MTM1: variants seen among roughly 807,000 people sequenced by gnomAD.
MTM1 encodes the protein myotubularin.
MTM1 carries 9 observed loss-of-function variants against 52.1 expected under a neutral mutation model. The ratio of observed to expected loss-of-function variants is 0.17; its 90% CI spans 0.10 to 0.30. MTM1 has a LOEUF of 0.30. Among genes scored for constraint, MTM1 ranks in the 10% least tolerant of loss-of-function variants. MTM1 has a pLI of 1.00. For missense variants in MTM1, 277 were observed against 470.7 expected, an observed-to-expected ratio of 0.59 and a Z score of 3.81; for synonymous variants, 136 against 163.8, an observed-to-expected ratio of 0.83 and a Z score of 1.29.
chrX:150,624,888 C>T (rs187082574), intron 6 of MTM1, among the ~76,000 whole-genome samples: 2 of 112,199 alleles, frequency 1.8e-5, no homozygotes, highest in East Asian at 5.6e-4. Flanking sequence ...TTAAATCTGC[C>T]TTTATAGCAG....
intron 10 of MTM1, among the ~76,000 whole-genome samples, chrX:150,652,071 G>C (rs1275465327): frequency 9.0e-6 from 1 of 111,190 alleles, no homozygotes; most frequent in Non-Finnish European, 1.9e-5. Flanking sequence ...GGGAAGTGTT[G>C]AGGATCATAT....
chrX:150,564,486 G>A (rs782802331), upstream of MTM1, among the ~76,000 whole-genome samples: 2 of 111,366 alleles, frequency 1.8e-5, no homozygotes, highest in East Asian at 5.6e-4. Context: ...GGGTTCAAGC[G>A]ATTCTCCTGC....
intron 1 of MTM1, among the ~76,000 whole-genome samples, chrX:150,589,078 G>A (rs184518793): frequency 8.9e-6 from 1 of 111,941 alleles, no homozygotes; most frequent in African/African-American, 3.2e-5. Flanking sequence ...AAGGTTGGTT[G>A]GCTAGGTGAG....
At chrX:150,651,636 G>A (rs966298147) in intron 10 of MTM1, among the ~76,000 whole-genome samples, 4 of 111,458 alleles carry the variant, frequency 3.6e-5, no homozygotes, top group Non-Finnish European at 5.6e-5. Context: ...ACCTGGTGGT[G>A]TCTAGCAGGC....
chrX:150,659,661 C>T lies in MTM1; in HGVS notation c.1261-3C>T, dbSNP rs1310632958. On this transcript the variant is annotated splice_region_variant and splice_polypyrimidine_tract_variant and intron_variant, in intron 11 of 14. Transcript: ENST00000370396. Reference sequence around the variant, plus strand: ...AACAAATTATCTTCATCAATTTATTCAGCGAATAGGTCATGGTGATAAAAA... The same window carrying T: ...AACAAATTATCTTCATCAATTTATTTAGCGAATAGGTCATGGTGATAAAAA... The T allele has an allele frequency of 2.5e-6, 3 of 1,200,460 alleles. No individual in the cohort carries two copies. The Admixed American group carries it at 6.6e-5, about 26-fold the overall frequency.
At chrX:150,596,638 T>A in intron 3 of MTM1, 68 bp downstream of exon 3, 1 of 880,408 alleles carries the variant, frequency 1.1e-6, no homozygotes, top group Non-Finnish European at 1.7e-6. Context: ...GTGGCTTCAG[T>A]CCCGCTTACT....
At chrX:150,647,650 T>G (rs782418128) in intron 9 of MTM1, among the ~76,000 whole-genome samples, 9 of 112,506 alleles carry the variant, frequency 8.0e-5, no homozygotes, top group African/African-American at 2.6e-4. Flanking sequence ...AGATGTAGAA[T>G]TTGAACTTTC....
intron 2 of MTM1, among the ~76,000 whole-genome samples, chrX:150,593,483 A>G (rs782669599): frequency 1.8e-4 from 20 of 112,081 alleles, no homozygotes; most frequent in Non-Finnish European, 3.2e-4. Flanking sequence ...TGGAATGTGC[A>G]TTCAAAGGAA....
chrX:150,641,221 G>A, intron 7 of MTM1, 48 bp from the exon 8 acceptor site: 1 of 1,205,664 alleles, frequency 8.3e-7, no homozygotes, highest in East Asian at 3.0e-5. Context: ...GCCAAATCCA[G>A]AGATGAGGTC....
chrX:150,573,850 C>T (rs782101986), intron 1 of MTM1, among the ~76,000 whole-genome samples: 46 of 112,296 alleles, frequency 4.1e-4, no homozygotes, highest in African/African-American at 1.4e-3. Context: ...ACAGCAGTGA[C>T]CCTTGGCCAT....
At chrX:150,610,503 G>A (rs1419648566) in intron 4 of MTM1, among the ~76,000 whole-genome samples, 1 of 112,205 alleles carries the variant, frequency 8.9e-6, no homozygotes, top group Non-Finnish European at 1.9e-5. Context: ...AGAAGTACAA[G>A]GCATAGACTT....
chrX:150,604,179 G>T (rs2039114297), intron 4 of MTM1, among the ~76,000 whole-genome samples: 1 of 111,736 alleles, frequency 8.9e-6, no homozygotes, highest in African/African-American at 3.3e-5. Flanking sequence ...TAAAGATTCT[G>T]CAGCTTCCAG....
Position 150,645,839 on chromosome X carries a change from G to A in MTM1, c.835G>A (p.Ala279Thr). The A allele has an allele frequency of 8.3e-7, 1 of 1,211,187 alleles. No individual in the cohort carries two copies. The highest frequency in any genetic ancestry group is 1.1e-6 in the Non-Finnish European group (1 of 895,021). ...KQISKLTIYDARPSVNAVANK... is the reference protein window; with the variant it reads ...KQISKLTIYDTRPSVNAVANK... ...AATTTCTAAACTCACCATTTATGAT[G>A]CAAGACCCAGCGTAAATGCAGTGGC... is the stretch of plus-strand genomic sequence containing the variant. Residue 279 changes from alanine (A) to threonine (T), a missense_variant, in exon 9 of 15, where the codon GCA becomes ACA. By Grantham distance (58) the Ala-to-Thr change is moderately conservative (BLOSUM62 0). Coordinates refer to ENST00000370396, the MANE Select transcript of MTM1 (RefSeq NM_000252.3).
Position 150,575,113 on chromosome X carries a change from A to G in MTM1, c.-11+6451A>G, listed in dbSNP as rs141458899. Reference sequence around the variant, plus strand: ...GTTTTGTAAGCCATATTAAAAAGGCACCATTGGTATATGTATGAAATGCAA... The same window carrying G: ...GTTTTGTAAGCCATATTAAAAAGGCGCCATTGGTATATGTATGAAATGCAA... On this transcript the variant is annotated intron_variant, in intron 1 of 14. Transcript: ENST00000370396. Among the ~76,000 whole-genome samples, 299 of 112,493 alleles carry G rather than the reference A, an allele frequency of 2.7e-3. 1 individual carries two copies. The highest frequency in any genetic ancestry group is 0.019 in the Middle Eastern group (4 of 216).
At chrX:150,609,437 C>T (rs374075032) in intron 4 of MTM1, among the ~76,000 whole-genome samples, 4 of 111,329 alleles carry the variant, frequency 3.6e-5, no homozygotes, top group African/African-American at 1.3e-4. Context: ...CTTTCGTAAC[C>T]AGCCACTGAG....
chrX:150,630,782 C>A (rs1262603477), intron 6 of MTM1, among the ~76,000 whole-genome samples: 3 of 111,669 alleles, frequency 2.7e-5, no homozygotes, highest in Non-Finnish European at 5.6e-5. Flanking sequence ...ACCACCCCCA[C>A]GTGTGGTGAT....
In MTM1 at chrX:150,651,536, T is replaced by TA. The variant is rs782730466; in HGVS notation, c.1053+1642dup. On this transcript the variant is annotated intron_variant, in intron 10 of 14. Coordinates refer to ENST00000370396, the MANE Select transcript of MTM1 (RefSeq NM_000252.3). ...TTCATTGGTGAGGATGACAAATTCATAAAAAAATGAAAGGCAAAATAAAAA... is the reference window on the plus strand; with the variant it reads ...TTCATTGGTGAGGATGACAAATTCATAAAAAAAATGAAAGGCAAAATAAAAA... 9.0e-4 allele frequency among the ~76,000 whole-genome samples: 94 copies of TA among 103,916 alleles called. 1 individual carries two copies. Among genetic ancestry groups the TA allele is most frequent in the African/African-American group, 3.0e-3 (85 of 28,423 alleles). 90.2% of individuals were successfully genotyped at this position (103,916 alleles called of 115,157 possible). A position where few individuals can be genotyped will look rare whatever the true frequency, so the allele number is the denominator to read the frequency against.
At position 150,592,751 on chromosome X, in the gene MTM1, G is replaced by T. The variant is rs782168128; in HGVS notation, c.63+74G>T. ...GATATTTGAATATTAGGTCATTTTG[G>T]GCTGGCCTATTGAATTATGAATTTT... On this transcript the variant is annotated intron_variant, in intron 2 of 14. Coordinates refer to ENST00000370396, the MANE Select transcript of MTM1 (RefSeq NM_000252.3). The T allele has an allele frequency of 2.0e-4, 139 of 702,934 alleles. 1 individual carries two copies. In the South Asian group the frequency reaches 2.8e-3, roughly 14 times the overall value. The allele number at this position is 702,934 out of a possible 1,213,427, so 57.9% of individuals were successfully genotyped here.
chrX:150,661,527 T>C (rs935400354), intron 13 of MTM1, among the ~76,000 whole-genome samples: 1 of 112,119 alleles, frequency 8.9e-6, no homozygotes, highest in African/African-American at 3.2e-5. Flanking sequence ...AGCCAAGATA[T>C]GGACTCAACC....
Sources: allele counts gnomAD v4.1 joint callset (sites outside exome capture counted in the v4.1 genomes callset), GRCh38; gene constraint gnomAD v4.1.1; transcripts MANE v1.5; gene names NCBI Gene and HGNC (gene_info 2026-07-23, HGNC 2026-07-21).